COL13A1: variants seen among roughly 807,000 people sequenced by gnomAD.
COL13A1 encodes collagen type XIII alpha 1 chain.
Under a neutral mutation model 130.9 loss-of-function variants are expected in COL13A1, and 89 were observed. That is an observed-to-expected ratio of 0.68 (90% CI 0.57 to 0.81). COL13A1 has a LOEUF of 0.81. Ranked by LOEUF, COL13A1 falls within the 30% of genes least tolerant of loss-of-function variation. The pLI, the probability that COL13A1 is intolerant of heterozygous loss-of-function variation, is 0.00. For missense variants in COL13A1, 879 were observed against 934.6 expected (o/e 0.94, Z 0.78); for synonymous variants, 402 against 341.6 (o/e 1.18, Z -1.95).
At chr10:69,951,028 T>C (rs893646602) in intron 38 of COL13A1, among the ~76,000 whole-genome samples, 10 of 152,084 alleles carry the variant, frequency 6.6e-5, no homozygotes, top group Non-Finnish European at 1.0e-4. Context: ...TTTGTATTTT[T>C]AGTAGAGATG....
intron 38 of COL13A1, among the ~76,000 whole-genome samples, chr10:69,950,584 C>T (rs1178078771): frequency 6.6e-6 from 1 of 152,160 alleles, no homozygotes; most frequent in East Asian, 1.9e-4. Flanking sequence ...GGGGGCTTCC[C>T]CACCCAAATA....
chr10:69,883,464 G>A (rs921669005), intron 7 of COL13A1, among the ~76,000 whole-genome samples: 3 of 152,194 alleles, frequency 2.0e-5, no homozygotes, highest in African/African-American at 7.2e-5. Context: ...ATTCATATTT[G>A]TTAAGAGCCC....
At chr10:69,888,738 G>A (rs1346020976) in intron 9 of COL13A1, among the ~76,000 whole-genome samples, 1 of 152,056 alleles carries the variant, frequency 6.6e-6, no homozygotes, top group Non-Finnish European at 1.5e-5. Flanking sequence ...TCGAGGTCAG[G>A]GTCTCCCTCC....
intron 1 of COL13A1, among the ~76,000 whole-genome samples, chr10:69,804,805 T>G (rs1841034673): frequency 2.0e-5 from 1 of 48,972 alleles, no homozygotes; most frequent in African/African-American, 6.2e-5. Context: ...GACCATGTCG[T>G]GTGCAAAAAA....
chr10:69,932,205 AAT>A (rs2066211878), intron 30 of COL13A1, among the ~76,000 whole-genome samples: 1 of 152,178 alleles, frequency 6.6e-6, no homozygotes, highest in Admixed American at 6.5e-5. Context: ...ACATAATCTT[AAT>A]ATATGTTATA....
At chr10:69,809,028 C>T (rs1178967725) in intron 1 of COL13A1, among the ~76,000 whole-genome samples, 2 of 152,222 alleles carry the variant, frequency 1.3e-5, no homozygotes, top group Admixed American at 1.3e-4. Flanking sequence ...CCCTCCCATC[C>T]TCTACTCCCA....
At position 69,865,776 on chromosome 10, in the gene COL13A1, C is replaced by T. The variant is rs79631100; in HGVS notation, c.365-2022C>T. 2.5e-3 allele frequency among the ~76,000 whole-genome samples: 374 copies of T among 152,126 alleles called. 1 individual carries two copies. The highest frequency in any genetic ancestry group is 8.8e-3 in the African/African-American group (364 of 41,488). Reference sequence around the variant, plus strand: ...GGGGCTGGAGGCTGACCATAACAGGCATCCCAGGGGCAGGTCTGGAGAGGA... The same window carrying T: ...GGGGCTGGAGGCTGACCATAACAGGTATCCCAGGGGCAGGTCTGGAGAGGA... On this transcript the variant is annotated intron_variant, in intron 2 of 40. Coordinates refer to ENST00000645393, the MANE Select transcript of COL13A1 (RefSeq NM_001368882.1).
intron 2 of COL13A1, among the ~76,000 whole-genome samples, chr10:69,838,551 T>A (rs1850719436): frequency 6.6e-6 from 1 of 152,172 alleles, no homozygotes; most frequent in Admixed American, 6.5e-5. Context: ...GGTACTCAGC[T>A]CTCCTGAACC....
At chr10:69,875,207 T>C in intron 5 of COL13A1, 44 bp downstream of exon 5, 1 of 1,612,478 alleles carries the variant, frequency 6.2e-7, no homozygotes. Context: ...CATTGCTTGC[T>C]TCTCCGTGCT....
In COL13A1 at chr10:69,937,735, C is replaced by G. The variant is rs1318620163; in HGVS notation, c.1878+20C>G. 3 of 1,206,460 alleles carry G rather than the reference C, an allele frequency of 2.5e-6. No individual in the cohort carries two copies. The highest frequency in any genetic ancestry group is 3.7e-6 in the Non-Finnish European group (3 of 809,228). The allele number at this position is 1,206,460 out of a possible 1,614,324, so 74.7% of individuals were successfully genotyped here. A position where few individuals can be genotyped will look rare whatever the true frequency, so the allele number is the denominator to read the frequency against. On this transcript the variant is annotated intron_variant, in intron 34 of 40. Transcript: ENST00000645393. ...CTACCCGTAAGTACCTTGGACCCAG[C>G]AAGACTGGTGGGTTTGATGGGCCAG...
chr10:69,898,087 A>G (rs548940717), intron 13 of COL13A1, among the ~76,000 whole-genome samples: 1 of 152,242 alleles, frequency 6.6e-6, no homozygotes, highest in African/African-American at 2.4e-5. Context: ...AGCCAGCTCA[A>G]ACCCCGGGGA....
intron 34 of COL13A1, among the ~76,000 whole-genome samples, chr10:69,940,309 C>T (rs1418545812): frequency 6.6e-6 from 1 of 152,216 alleles, no homozygotes; most frequent in Non-Finnish European, 1.5e-5. Flanking sequence ...ACACAAGAGC[C>T]CTTGTCTGGG....
intron 3 of COL13A1, among the ~76,000 whole-genome samples, chr10:69,871,623 G>A (rs2059080695): frequency 6.6e-6 from 1 of 152,128 alleles, no homozygotes; most frequent in African/African-American, 2.4e-5. Flanking sequence ...GTCTCCCAGG[G>A]AACACCCCAA....
chr10:69,919,174 G>A, intron 20 of COL13A1, 86 bp downstream of exon 20: 4 of 1,571,312 alleles, frequency 2.5e-6, no homozygotes, highest in South Asian at 1.1e-5. Context: ...TTTGCTCTTG[G>A]TCCCCCTGAG....
At position 69,941,033 on chromosome 10, in the gene COL13A1, A is replaced by G. The variant is rs1195450785; in HGVS notation, c.1914+10A>G. The stretch of plus-strand genomic sequence containing the variant: ...CAGGCCTGGGCCACCGGTGAGTGTC[A>G]CTTCTCCATCACCCCTCACCCCACT... On this transcript the variant is annotated intron_variant, in intron 35 of 40. Coordinates refer to ENST00000645393, the MANE Select transcript of COL13A1 (RefSeq NM_001368882.1). 1.9e-6 allele frequency: 3 copies of G among 1,613,384 alleles called. No homozygotes were observed. The highest frequency in any genetic ancestry group is 2.7e-5 in the African/African-American group (2 of 74,770).
In COL13A1 at chr10:69,802,694, C is replaced by A; in HGVS notation, c.271C>A (p.Arg91=). 6.2e-7 allele frequency: 1 copy of A among 1,612,632 alleles called. No homozygotes were observed. The highest frequency in any genetic ancestry group is 8.5e-7 in the Non-Finnish European group (1 of 1,179,290). ...GCAAATGGAGACGGCTATTTTGGGA[C>A]GAGTCAATCAACTGCTGGACGAGGT... is the stretch of plus-strand genomic sequence containing the variant. ...EQQMETAILG[R]VNQLLDEKWK... Residue 91 remains arginine, a synonymous_variant, in exon 1 of 41, where the codon CGA becomes AGA. Transcript: ENST00000645393.
intron 1 of COL13A1, among the ~76,000 whole-genome samples, chr10:69,814,586 G>A (rs901429563): frequency 6.6e-6 from 1 of 152,218 alleles, no homozygotes; most frequent in Non-Finnish European, 1.5e-5. Context: ...CAGCTGTCTT[G>A]CGTAGTCTAG....
intron 2 of COL13A1, among the ~76,000 whole-genome samples, chr10:69,828,137 T>G (rs1368538959): frequency 6.6e-6 from 1 of 152,186 alleles, no homozygotes; most frequent in Non-Finnish European, 1.5e-5. Context: ...TGCTATTTCT[T>G]AAAGCAGATC....
intron 34 of COL13A1, among the ~76,000 whole-genome samples, chr10:69,940,434 G>C (rs143635306): frequency 6.6e-6 from 1 of 152,284 alleles, no homozygotes; most frequent in South Asian, 2.1e-4. Flanking sequence ...CAGGGTGAAG[G>C]ATAAGCAGAA....
Sources: gnomAD v4.1 joint callset for allele counts (sites outside exome capture counted in the v4.1 genomes callset) on GRCh38, gnomAD v4.1.1 for gene constraint, MANE v1.5 for transcripts, NCBI Gene and HGNC (gene_info 2026-07-23, HGNC 2026-07-21) for gene names.